PLEKHA7: variants seen among roughly 807,000 people sequenced by gnomAD.
The protein encoded by PLEKHA7 is pleckstrin homology domain containing A7.
Under a neutral mutation model 170.0 loss-of-function variants are expected in PLEKHA7, and 104 were observed. The ratio of observed to expected loss-of-function variants is 0.61; its 90% CI spans 0.52 to 0.72. PLEKHA7 has a LOEUF of 0.72. PLEKHA7 is among the 30% of genes least tolerant of loss of function. PLEKHA7 has a pLI of 0.00. For missense variants in PLEKHA7, 1,615 were observed against 1,671.7 expected (o/e 0.97, Z 0.59); for synonymous variants, 648 against 660.8 (o/e 0.98, Z 0.30).
At chr11:16,811,772 C>T (rs1290484268) in intron 13 of PLEKHA7, among the ~76,000 whole-genome samples, 1 of 152,192 alleles carries the variant, frequency 6.6e-6, no homozygotes, top group Non-Finnish European at 1.5e-5. Context: ...ACCTTCCTTC[C>T]TAAAGCCTAG....
intron 3 of PLEKHA7, among the ~76,000 whole-genome samples, chr11:17,007,103 C>A (rs1269355763): frequency 1.3e-5 from 2 of 152,242 alleles, no homozygotes; most frequent in Non-Finnish European, 2.9e-5. Context: ...CCTGCCTGGG[C>A]TCCCTGCTCC....
At chr11:16,955,470 C>T (rs1186121035) in intron 3 of PLEKHA7, among the ~76,000 whole-genome samples, 1 of 152,202 alleles carries the variant, frequency 6.6e-6, no homozygotes, top group Admixed American at 6.5e-5. Flanking sequence ...ATGACCTACT[C>T]ATTTTTTATT....
chr11:16,783,662 AGGGT>A, intron 25 of PLEKHA7, 34 bp downstream of exon 25: 1 of 1,366,236 alleles, frequency 7.3e-7, no homozygotes, highest in Non-Finnish European at 9.4e-7. Flanking sequence ...ACCTGGGGTC[AGGGT>A]GACCTGCCAA....
At chr11:17,008,170 A>C (rs1865126333) in intron 3 of PLEKHA7, among the ~76,000 whole-genome samples, 1 of 152,142 alleles carries the variant, frequency 6.6e-6, no homozygotes, top group South Asian at 2.1e-4. Context: ...AAGTACCTAC[A>C]CAGGGTGGCT....
At chr11:16,898,311 T>C (rs1170606365) in intron 3 of PLEKHA7, among the ~76,000 whole-genome samples, 1 of 152,234 alleles carries the variant, frequency 6.6e-6, no homozygotes, top group African/African-American at 2.4e-5. Flanking sequence ...TAGTCATTTT[T>C]CTTTCAGTCA....
intron 8 of PLEKHA7, among the ~76,000 whole-genome samples, chr11:16,847,264 T>C (rs1003802247): frequency 1.3e-5 from 2 of 151,570 alleles, no homozygotes; most frequent in African/African-American, 4.8e-5. Context: ...ACCCAGCAAA[T>C]TGTATTTTTA....
At chr11:16,798,569 A>G (rs1230218040) in intron 17 of PLEKHA7, among the ~76,000 whole-genome samples, 1 of 152,232 alleles carries the variant, frequency 6.6e-6, no homozygotes, top group Non-Finnish European at 1.5e-5. Flanking sequence ...TAGATATTTA[A>G]CCTGCTAATA....
At chr11:17,001,767 GCCAGCAGCCCCAGGAAGAGA>G (rs1864676349) in intron 3 of PLEKHA7, among the ~76,000 whole-genome samples, 1 of 147,350 alleles carries the variant, frequency 6.8e-6, no homozygotes, top group Admixed American at 6.7e-5. Flanking sequence ...ACAAGAGGTA[GCCAGCAGCCCCAGGAAGAGA>G]CTGCACACTA....
At chr11:16,986,017 G>T (rs1040499690) in intron 3 of PLEKHA7, among the ~76,000 whole-genome samples, 1 of 152,222 alleles carries the variant, frequency 6.6e-6, no homozygotes, top group African/African-American at 2.4e-5. Context: ...CTTAAAGGAT[G>T]CATAGGAATT....
rs1438663765 is a variant in PLEKHA7, at chr11:17,013,993, T to C, written c.217A>G (p.Ile73Val). 3.2e-6 allele frequency: 5 copies of C among 1,542,328 alleles called. No individual in the cohort carries two copies. In the South Asian group the frequency reaches 4.8e-5, roughly 15 times the overall value. ...GCGGCGGCCCCACTCACTCACTCGA[T>C]GAAGTAGCTGGCGCCCTCCTCCGTG... is the stretch of plus-strand genomic sequence containing the variant. ...GFTEEGASYFIDHNQQTTAFR... is the reference protein window; with the variant it reads ...GFTEEGASYFVDHNQQTTAFR... The change falls in exon 3 of 27, where the codon ATC becomes GTC. Residue 73 changes from isoleucine to valine, a missense_variant. Physicochemically the swap from Ile to Val is conservative, Grantham distance 29. Coordinates refer to ENST00000531066, the MANE Select transcript of PLEKHA7 (RefSeq NM_001329630.2).
chr11:16,940,765 G>T (rs1349687712), intron 3 of PLEKHA7, among the ~76,000 whole-genome samples: 1 of 152,110 alleles, frequency 6.6e-6, no homozygotes, highest in Non-Finnish European at 1.5e-5. Context: ...TAGTGCCTTT[G>T]TTTTTTCACT....
intron 9 of PLEKHA7, among the ~76,000 whole-genome samples, chr11:16,840,230 T>C (rs1851843053): frequency 6.6e-6 from 1 of 152,088 alleles, no homozygotes; most frequent in African/African-American, 2.4e-5. Context: ...TCACCAGACA[T>C]TTGAGAGCTT....
intron 4 of PLEKHA7, among the ~76,000 whole-genome samples, chr11:16,863,022 T>C (rs1854094240): frequency 6.6e-6 from 1 of 152,122 alleles, no homozygotes; most frequent in African/African-American, 2.4e-5. Context: ...CAGACTCCTG[T>C]GGGAGTTTAG....
intron 12 of PLEKHA7, among the ~76,000 whole-genome samples, chr11:16,813,584 A>C (rs1027641340): frequency 2.0e-5 from 3 of 152,318 alleles, no homozygotes; most frequent in South Asian, 2.1e-4. Context: ...ATCACTTCAC[A>C]TGCATGAAGA....
At chr11:16,992,835 C>T (rs1004026098) in intron 3 of PLEKHA7, among the ~76,000 whole-genome samples, 3 of 151,968 alleles carry the variant, frequency 2.0e-5, no homozygotes, top group African/African-American at 7.3e-5. Context: ...CCTCCCTGGG[C>T]CTCTGTGTCC....
intron 3 of PLEKHA7, among the ~76,000 whole-genome samples, chr11:16,948,496 C>A (rs1861191133): frequency 6.6e-6 from 1 of 152,122 alleles, no homozygotes; most frequent in Non-Finnish European, 1.5e-5. Flanking sequence ...ATTTCCCTCA[C>A]ATCAGGAAGG....
At chr11:16,996,890 C>A (rs149155147) in intron 3 of PLEKHA7, among the ~76,000 whole-genome samples, 3 of 151,688 alleles carry the variant, frequency 2.0e-5, no homozygotes, top group Non-Finnish European at 2.9e-5. Context: ...GAGCCAAGAT[C>A]GTGCCACTGC....
chr11:16,972,297 T>C (rs1254076821), intron 3 of PLEKHA7, among the ~76,000 whole-genome samples: 1 of 152,108 alleles, frequency 6.6e-6, no homozygotes, highest in African/African-American at 2.4e-5. Context: ...AATTTTTGTA[T>C]TTTTTGTACA....
chr11:16,825,311 A>G (rs1468734622), intron 10 of PLEKHA7, among the ~76,000 whole-genome samples: 1 of 152,248 alleles, frequency 6.6e-6, no homozygotes, highest in Non-Finnish European at 1.5e-5. Flanking sequence ...AGAGCATGTT[A>G]TCAGGCCTGT....
Sources: allele counts gnomAD v4.1 joint callset (sites outside exome capture counted in the v4.1 genomes callset), GRCh38; gene constraint gnomAD v4.1.1; transcripts MANE v1.5; gene names NCBI Gene and HGNC (gene_info 2026-07-23, HGNC 2026-07-21).